The following PIK3C2G variants were observed in gnomAD, a reference collection of about 807,000 sequenced individuals.
PIK3C2G encodes phosphatidylinositol-4-phosphate 3-kinase catalytic subunit type 2 gamma.
A neutral mutation model predicts 181.1 loss-of-function variants in PIK3C2G; 168 were observed. The ratio of observed to expected loss-of-function variants is 0.93; its 90% CI spans 0.82 to 1.05. The LOEUF is 1.05. PIK3C2G is among the 50% of genes least tolerant of loss of function. The probability of loss-of-function intolerance (pLI) is 0.00; values close to 1 mark genes in which losing one functional copy is unlikely to be tolerated. For missense variants in PIK3C2G, 1,869 were observed against 1,732.8 expected (o/e 1.08, Z -1.40); for synonymous variants, 573 against 592.2 (o/e 0.97, Z 0.47).
At chr12:18,285,979 GTAAAA>G (rs1240839808) in intron 2 of PIK3C2G, among the ~76,000 whole-genome samples, 1 of 151,632 alleles carries the variant, frequency 6.6e-6, no homozygotes, top group Admixed American at 6.6e-5. Flanking sequence ...TAGATTGAAA[GTAAAA>G]TAAACAAAAA....
intron 1 of PIK3C2G, among the ~76,000 whole-genome samples, chr12:18,249,788 TA>T (rs1948077818): frequency 6.6e-6 from 1 of 152,014 alleles, no homozygotes; most frequent in Non-Finnish European, 1.5e-5. Flanking sequence ...CTTTTTTCAT[TA>T]AAAAAGTGAA....
intron 18 of PIK3C2G, among the ~76,000 whole-genome samples, chr12:18,435,008 A>G (rs1399471422): frequency 6.7e-6 from 1 of 148,670 alleles, no homozygotes; most frequent in African/African-American, 2.5e-5. Context: ...TTTTTTCTGG[A>G]GGGCTCATTA....
rs541138177 is a variant in PIK3C2G at position 18,492,578 on chromosome 12, A to G, written c.2793+1020A>G. 2.1e-3 allele frequency among the ~76,000 whole-genome samples: 319 copies of G among 152,320 alleles called. 2 individuals carry two copies. The highest frequency in any genetic ancestry group is 4.6e-4 in the Non-Finnish European group (31 of 68,032). On this transcript the variant is annotated intron_variant, in intron 20 of 32. Coordinates refer to ENST00000538779, the MANE Select transcript of PIK3C2G (RefSeq NM_001288772.2). Reference sequence around the variant, plus strand: ...CAAAAAATTGCCCAACTTTTTCATCATCAGCAGTATTCTTGTCTAATGCTG... The same window carrying G: ...CAAAAAATTGCCCAACTTTTTCATCGTCAGCAGTATTCTTGTCTAATGCTG...
chr12:18,547,587 G>A (rs988600788), intron 26 of PIK3C2G, among the ~76,000 whole-genome samples: 6 of 151,878 alleles, frequency 4.0e-5, no homozygotes, highest in African/African-American at 1.5e-4. Context: ...GGTTTTTCCA[G>A]TACTCAATAT....
intron 2 of PIK3C2G, among the ~76,000 whole-genome samples, chr12:18,283,520 CAT>C (rs1026136536): frequency 2.6e-5 from 4 of 152,214 alleles, no homozygotes; most frequent in Non-Finnish European, 4.4e-5. Flanking sequence ...ATCCTTAAAA[CAT>C]ATTGTGATAT....
At chr12:18,503,260 A>C (rs1941617856) in intron 22 of PIK3C2G, 21 bp from the exon 23 acceptor site, 2 of 1,574,908 alleles carry the variant, frequency 1.3e-6, no homozygotes, top group East Asian at 4.6e-5. Flanking sequence ...TTGTCTCTGT[A>C]ATCTTTTTTT....
chr12:18,585,038 AAGG>A lies in PIK3C2G; in HGVS notation c.4012-9453_4012-9451del, dbSNP rs1946699946. Among the ~76,000 whole-genome samples, 3 of 152,338 alleles carry A rather than the reference AAGG, an allele frequency of 2.0e-5. No individual in the cohort carries two copies. The South Asian group carries it at 6.2e-4, about 32-fold the overall frequency. The stretch of plus-strand genomic sequence containing the variant: ...AGACCTGCCTTACAAGAGATCGTGA[AAGG>A]AGCACTAAATATAGAAAGGAAGCAT... On this transcript the variant is annotated intron_variant, in intron 29 of 32. Transcript: ENST00000538779.
chr12:18,419,385 A>G (rs906739731), intron 16 of PIK3C2G, among the ~76,000 whole-genome samples: 1 of 152,176 alleles, frequency 6.6e-6, no homozygotes, highest in African/African-American at 2.4e-5. Context: ...TATTCCCTCC[A>G]AGACTTCAAA....
At chr12:18,614,377 TG>T (rs1225665086) in intron 31 of PIK3C2G, among the ~76,000 whole-genome samples, 2 of 152,108 alleles carry the variant, frequency 1.3e-5, no homozygotes. Context: ...AACCATTAAT[TG>T]TTCTAAAACC....
the PIK3C2G span, among the ~76,000 whole-genome samples, chr12:18,717,030 C>A: frequency 6.6e-6 from 1 of 152,160 alleles, no homozygotes; most frequent in East Asian, 1.9e-4. Flanking sequence ...TATTTAAACA[C>A]TATATTATGC....
At chr12:18,364,882 A>AAAACAAAC (rs139815938) in intron 12 of PIK3C2G, among the ~76,000 whole-genome samples, 40 of 151,690 alleles carry the variant, frequency 2.6e-4, no homozygotes, top group African/African-American at 9.0e-4. Context: ...AGCAAGTCTA[A>AAAACAAAC]AAACAAACAA....
chr12:18,710,949 G>A, the PIK3C2G span, among the ~76,000 whole-genome samples: 7 of 152,048 alleles, frequency 4.6e-5, no homozygotes, highest in African/African-American at 1.2e-4. Context: ...CTGTAAACTA[G>A]TTCAACCATT....
intron 13 of PIK3C2G, among the ~76,000 whole-genome samples, chr12:18,380,404 T>G (rs1036679811): frequency 2.0e-5 from 3 of 152,188 alleles, no homozygotes; most frequent in Non-Finnish European, 4.4e-5. Context: ...ATTGGACATG[T>G]TTCTTCCTCC....
intron 1 of PIK3C2G, among the ~76,000 whole-genome samples, chr12:18,251,181 C>T (rs1948092366): frequency 6.6e-6 from 1 of 151,934 alleles, no homozygotes; most frequent in South Asian, 2.1e-4. Context: ...AGATGGAGAA[C>T]ATCTGTGATG....
At chr12:18,583,636 A>C (rs1946617570) in intron 29 of PIK3C2G, among the ~76,000 whole-genome samples, 1 of 152,148 alleles carries the variant, frequency 6.6e-6, no homozygotes, top group Non-Finnish European at 1.5e-5. Context: ...ACTGTTTGCC[A>C]CACAGGTCCT....
At chr12:18,269,393 G>A (rs1948649453) in intron 1 of PIK3C2G, among the ~76,000 whole-genome samples, 1 of 152,058 alleles carries the variant, frequency 6.6e-6, no homozygotes, top group African/African-American at 2.4e-5. Flanking sequence ...ATACATTGGG[G>A]TATATGTAGT....
Position 18,638,512 on chromosome 12 carries a change from G to A in PIK3C2G, c.4183-1917G>A, listed in dbSNP as rs979933466. On this transcript the variant is annotated intron_variant, in intron 31 of 32. Transcript: ENST00000538779. Reference sequence around the variant, plus strand: ...CTTTGTGAAGCTTGGAGTTCAACTCGCATTGTAATTCAACCAGTGTCAAGC... The same window carrying A: ...CTTTGTGAAGCTTGGAGTTCAACTCACATTGTAATTCAACCAGTGTCAAGC... Among the ~76,000 whole-genome samples, 5 of 152,124 alleles carry A rather than the reference G, an allele frequency of 3.3e-5. No homozygotes were observed. The East Asian group carries it at 7.7e-4, about 24-fold the overall frequency.
At chr12:18,636,299 C>G (rs943935949) in intron 31 of PIK3C2G, among the ~76,000 whole-genome samples, 4 of 152,144 alleles carry the variant, frequency 2.6e-5, no homozygotes, top group Non-Finnish European at 4.4e-5. Context: ...ATGGCACGAT[C>G]TCGGCTCACC....
rs1474724247 is a variant in PIK3C2G, at chr12:18,277,480, C to A, written c.-78-4524C>A. Among the ~76,000 whole-genome samples the A allele has an allele frequency of 3.3e-5, 5 of 152,234 alleles. No homozygotes were observed. In the South Asian group the frequency reaches 6.2e-4, roughly 19 times the overall value. On this transcript the variant is annotated intron_variant, in intron 1 of 32. Coordinates refer to ENST00000538779, the MANE Select transcript of PIK3C2G (RefSeq NM_001288772.2). Reference sequence around the variant, plus strand: ...GACATTGACACATCCTGTCTTGGCACAATCTCTATCTCCCATGACATTTAT... The same window carrying A: ...GACATTGACACATCCTGTCTTGGCAAAATCTCTATCTCCCATGACATTTAT...
Sources: gnomAD v4.1 joint callset for allele counts (sites outside exome capture counted in the v4.1 genomes callset) on GRCh38, gnomAD v4.1.1 for gene constraint, MANE v1.5 for transcripts, NCBI Gene and HGNC (gene_info 2026-07-23, HGNC 2026-07-21) for gene names.